TMEM117: variants seen among roughly 807,000 people sequenced by gnomAD.
TMEM117 encodes transmembrane protein 117.
A neutral mutation model predicts 52.4 loss-of-function variants in TMEM117; 27 were observed. The ratio of observed to expected loss-of-function variants is 0.51; its 90% CI spans 0.38 to 0.71. The LOEUF is 0.71. TMEM117 is among the 30% of genes least tolerant of loss of function. The pLI is 0.00. For synonymous variants in TMEM117, 215 were observed against 206.3 expected, an observed-to-expected ratio of 1.04 and a Z score of -0.36; for missense variants, 556 against 630.5, an observed-to-expected ratio of 0.88 and a Z score of 1.26.
In TMEM117 at chr12:43,844,705, G is replaced by A. The variant is rs1565715355; in HGVS notation, c.54G>A (p.Val18=). 2.5e-6 allele frequency: 4 copies of A among 1,614,064 alleles called. No homozygotes were observed. In the South Asian group the frequency reaches 4.4e-5, roughly 18 times the overall value. Residue 18 remains valine, a synonymous_variant, in exon 2 of 8, where the codon GTG becomes GTA. Transcript: ENST00000266534. The part of the protein sequence containing the change: ...YFQHPWSRMI[V]AYLVIFFNFL... The stretch of plus-strand genomic sequence containing the variant: ...AGCATCCCTGGTCTCGCATGATTGT[G>A]GCTTACTTGGTGATCTTCTTTAACT...
intron 7 of TMEM117, among the ~76,000 whole-genome samples, chr12:44,384,731 A>T (rs73092504): frequency 1.3e-5 from 2 of 152,216 alleles, no homozygotes; most frequent in East Asian, 1.9e-4. Context: ...CACTTTTAGG[A>T]TATATCTTTG....
chr12:44,123,119 A>G (rs181061499), intron 3 of TMEM117, among the ~76,000 whole-genome samples: 5 of 152,178 alleles, frequency 3.3e-5, no homozygotes, highest in Non-Finnish European at 2.9e-5. Context: ...GGCATGAGAT[A>G]GTATCTCATT....
intron 6 of TMEM117, among the ~76,000 whole-genome samples, chr12:44,372,957 T>C (rs1349303817): frequency 2.0e-5 from 3 of 152,222 alleles, no homozygotes; most frequent in Non-Finnish European, 4.4e-5. Context: ...AGACATCACA[T>C]TGTGATCTTA....
intron 5 of TMEM117, among the ~76,000 whole-genome samples, chr12:44,241,092 T>G (rs2138481021): frequency 6.6e-6 from 1 of 152,142 alleles, no homozygotes; most frequent in East Asian, 1.9e-4. Context: ...ATATAACCCA[T>G]GCACATCCTC....
the TMEM117 span, among the ~76,000 whole-genome samples, chr12:43,818,063 TGCCTCTCTG>T: frequency 5.9e-5 from 9 of 152,216 alleles, no homozygotes. Context: ...TTTTCAAGGA[TGCCTCTCTG>T]ATGAGTTTGT....
At chr12:43,882,988 G>T (rs577940015) in intron 2 of TMEM117, among the ~76,000 whole-genome samples, 1 of 152,166 alleles carries the variant, frequency 6.6e-6, no homozygotes, top group Non-Finnish European at 1.5e-5. Flanking sequence ...TATAATAAGA[G>T]CATTCTGATT....
At chr12:44,022,633 G>A (rs998832953) in intron 3 of TMEM117, among the ~76,000 whole-genome samples, 3 of 152,046 alleles carry the variant, frequency 2.0e-5, no homozygotes, top group Non-Finnish European at 4.4e-5. Flanking sequence ...TTGAGGAGGG[G>A]GTGATATTCA....
At chr12:44,213,631 T>C (rs976082937) in intron 5 of TMEM117, among the ~76,000 whole-genome samples, 1 of 152,172 alleles carries the variant, frequency 6.6e-6, no homozygotes, top group East Asian at 1.9e-4. Context: ...GGGAGGTAAT[T>C]GAATCATGGG....
intron 6 of TMEM117, among the ~76,000 whole-genome samples, chr12:44,322,422 A>C (rs2138702837): frequency 6.6e-6 from 1 of 152,290 alleles, no homozygotes; most frequent in South Asian, 2.1e-4. Context: ...AGTTGCAGAA[A>C]GCTTCATTTC....
chr12:43,892,236 A>G (rs1460816960), intron 2 of TMEM117, among the ~76,000 whole-genome samples: 4 of 152,220 alleles, frequency 2.6e-5, no homozygotes, highest in African/African-American at 7.2e-5. Flanking sequence ...AAACTTCCAG[A>G]ATTGTTTCCC....
chr12:43,991,767 T>C (rs1008725131), intron 3 of TMEM117, among the ~76,000 whole-genome samples: 1 of 152,200 alleles, frequency 6.6e-6, no homozygotes, highest in Non-Finnish European at 1.5e-5. Context: ...TTACATCTTA[T>C]TTTGTTTTCC....
chr12:44,045,866 A>C (rs1946873935), intron 3 of TMEM117, among the ~76,000 whole-genome samples: 1 of 152,146 alleles, frequency 6.6e-6, no homozygotes, highest in Non-Finnish European at 1.5e-5. Context: ...TCATGCTAAT[A>C]GAATTCACTG....
chr12:43,902,127 C>T (rs73098867), intron 2 of TMEM117, among the ~76,000 whole-genome samples: 5,880 of 152,252 alleles, frequency 0.039, 143 homozygotes, highest in Middle Eastern at 0.088. Context: ...AAAGCAGAGT[C>T]ACACCTGACG....
chr12:44,139,268 T>G (rs1260676856), intron 3 of TMEM117, among the ~76,000 whole-genome samples: 1 of 152,184 alleles, frequency 6.6e-6, no homozygotes, highest in African/African-American at 2.4e-5. Flanking sequence ...CAACCACTTA[T>G]GTATGACTAA....
At chr12:44,362,867 T>G (rs916539712) in intron 6 of TMEM117, among the ~76,000 whole-genome samples, 5 of 151,922 alleles carry the variant, frequency 3.3e-5, no homozygotes, top group African/African-American at 9.7e-5. Flanking sequence ...TGGTTGCTTG[T>G]TTTGAGATGG....
chr12:44,039,740 G>A (rs1467319826), intron 3 of TMEM117, among the ~76,000 whole-genome samples: 4 of 151,854 alleles, frequency 2.6e-5, no homozygotes, highest in Non-Finnish European at 4.4e-5. Flanking sequence ...CCTTCTCAAT[G>A]AAATCTTTAC....
At chr12:44,300,658 A>T (rs1485772971) in intron 6 of TMEM117, among the ~76,000 whole-genome samples, 1 of 152,218 alleles carries the variant, frequency 6.6e-6, no homozygotes, top group African/African-American at 2.4e-5. Context: ...TAAATTTGTT[A>T]AATAATATAT....
chr12:44,192,961 AG>A (rs1949374444), intron 4 of TMEM117, among the ~76,000 whole-genome samples: 1 of 152,250 alleles, frequency 6.6e-6, no homozygotes, highest in African/African-American at 2.4e-5. Context: ...TCCCTTCTTC[AG>A]AGAAATAAAG....
intron 6 of TMEM117, among the ~76,000 whole-genome samples, chr12:44,304,875 C>A (rs1252803392): frequency 6.6e-6 from 1 of 152,150 alleles, no homozygotes; most frequent in East Asian, 1.9e-4. Context: ...AGGTGAAACC[C>A]AAACATCCCC....
Sources: gnomAD v4.1 joint callset for allele counts (sites outside exome capture counted in the v4.1 genomes callset) on GRCh38, gnomAD v4.1.1 for gene constraint, MANE v1.5 for transcripts, NCBI Gene and HGNC (gene_info 2026-07-23, HGNC 2026-07-21) for gene names.